The following CSMD3 variants were observed in gnomAD, a reference collection of about 807,000 sequenced individuals.
CSMD3 encodes the protein CUB and sushi domain-containing protein 3.
A neutral mutation model predicts 435.2 loss-of-function variants in CSMD3; 177 were observed. That is an observed-to-expected ratio of 0.41 (90% CI 0.36 to 0.46). The LOEUF is 0.46. CSMD3 is among the 20% of genes least tolerant of loss of function. The pLI, the probability that CSMD3 is intolerant of heterozygous loss-of-function variation, is 0.34. For synonymous variants in CSMD3, 1,656 were observed against 1,520.5 expected, an observed-to-expected ratio of 1.09 and a Z score of -2.07; for missense variants, 4,265 against 4,504.6, an observed-to-expected ratio of 0.95 and a Z score of 1.52.
intron 13 of CSMD3, among the ~76,000 whole-genome samples, chr8:112,691,370 C>G (rs552779037): frequency 3.9e-4 from 60 of 152,132 alleles, no homozygotes; most frequent in African/African-American, 1.3e-3. Context: ...TAGTAATTTT[C>G]CACATTTTAC....
chr8:113,125,013 C>T (rs2091086656), intron 4 of CSMD3, among the ~76,000 whole-genome samples: 1 of 151,982 alleles, frequency 6.6e-6, no homozygotes, highest in Non-Finnish European at 1.5e-5. Flanking sequence ...CAAAGCTCTA[C>T]AAACATACTG....
chr8:113,179,218 A>G (rs1256467955), intron 3 of CSMD3, among the ~76,000 whole-genome samples: 2 of 148,658 alleles, frequency 1.3e-5, no homozygotes, highest in Admixed American at 1.3e-4. Flanking sequence ...ATAAAACAGT[A>G]TATGTTAGTC....
chr8:112,818,318 C>A (rs1351587373), intron 12 of CSMD3, among the ~76,000 whole-genome samples: 4 of 151,980 alleles, frequency 2.6e-5, no homozygotes, highest in Non-Finnish European at 4.4e-5. Context: ...AGGCTGAAGT[C>A]ATCTTCTAAT....
intron 3 of CSMD3, among the ~76,000 whole-genome samples, chr8:113,250,189 AT>A (rs1199633192): frequency 6.6e-6 from 1 of 152,066 alleles, no homozygotes; most frequent in Non-Finnish European, 1.5e-5. Flanking sequence ...TTTTTTACAC[AT>A]TTATTTGACA....
At chr8:112,949,578 A>G (rs1438045620) in intron 8 of CSMD3, among the ~76,000 whole-genome samples, 1 of 152,050 alleles carries the variant, frequency 6.6e-6, no homozygotes, top group Non-Finnish European at 1.5e-5. Flanking sequence ...TCAATGGCCT[A>G]TTTGATTATC....
intron 32 of CSMD3, among the ~76,000 whole-genome samples, chr8:112,462,957 G>A (rs759089443): frequency 2.6e-5 from 4 of 152,136 alleles, no homozygotes; most frequent in African/African-American, 7.2e-5. Context: ...GCTCTCTCAC[G>A]CATTTTGAAA....
rs150634033 is a variant in CSMD3, at chr8:113,079,934, A to ATGTT, written c.917+18818_917+18821dup. Among the ~76,000 whole-genome samples, 64 of 151,970 alleles carry ATGTT rather than the reference A, an allele frequency of 4.2e-4. 1 individual carries two copies. The highest frequency in any genetic ancestry group is 7.7e-4 in the Non-Finnish European group (52 of 67,958). ...TAATACATAGCCTTGGTATTTTTAA[A>ATGTT]TGTTTGTTTGTTTGTTTGTTTTTCT... On this transcript the variant is annotated intron_variant, in intron 5 of 70. Transcript: ENST00000297405.
chr8:112,636,539 T>TCTAC (rs1200275142), intron 22 of CSMD3, among the ~76,000 whole-genome samples: 1 of 3,836 alleles, frequency 2.6e-4, no homozygotes, highest in East Asian at 2.7e-3. Context: ...CTATCATATT[T>TCTAC]CTATCTATCT....
intron 32 of CSMD3, among the ~76,000 whole-genome samples, chr8:112,440,247 T>C (rs1814845598): frequency 6.6e-6 from 1 of 152,184 alleles, no homozygotes; most frequent in African/African-American, 2.4e-5. Context: ...CAAAATCCAA[T>C]AGGGCAGTTA....
chr8:112,437,586 T>C (rs1395223846), intron 32 of CSMD3, among the ~76,000 whole-genome samples: 2 of 152,008 alleles, frequency 1.3e-5, no homozygotes, highest in Non-Finnish European at 2.9e-5. Flanking sequence ...TGTGTGTGTA[T>C]GTATATATAT....
chr8:112,355,810 G>A (rs11985770), intron 38 of CSMD3, among the ~76,000 whole-genome samples: 5,732 of 152,018 alleles, frequency 0.038, 361 homozygotes, highest in African/African-American at 0.13. Context: ...TCCAGCCTGG[G>A]CGACAGAGCT....
intron 23 of CSMD3, among the ~76,000 whole-genome samples, chr8:112,579,697 G>A (rs1830203716): frequency 6.6e-6 from 1 of 151,856 alleles, no homozygotes; most frequent in Admixed American, 6.6e-5. Context: ...TATTCCCAAA[G>A]ACTCACACAT....
chr8:112,384,787 G>T (rs530399410), intron 36 of CSMD3, among the ~76,000 whole-genome samples: 1 of 152,310 alleles, frequency 6.6e-6, no homozygotes, highest in Non-Finnish European at 1.5e-5. Flanking sequence ...ATAGGAATAA[G>T]ACCAGAAGTA....
chr8:113,429,117 T>C (rs953767070), intron 1 of CSMD3, among the ~76,000 whole-genome samples: 12 of 151,852 alleles, frequency 7.9e-5, no homozygotes, highest in Admixed American at 1.3e-4. Context: ...TTTACTCCCA[T>C]ATCATAAAAT....
chr8:113,025,541 G>GAGCATATATA (rs2131206845), intron 5 of CSMD3, among the ~76,000 whole-genome samples: 1 of 152,258 alleles, frequency 6.6e-6, no homozygotes, highest in South Asian at 2.1e-4. Flanking sequence ...AGCTATATTG[G>GAGCATATATA]TCCAGGAGCA....
In CSMD3 at chr8:113,184,973, G is replaced by A. The variant is rs1188252261; in HGVS notation, c.515-11057C>T. Among the ~76,000 whole-genome samples, 9 of 152,038 alleles carry A rather than the reference G, an allele frequency of 5.9e-5. No homozygotes were observed. The Middle Eastern group carries it at 0.017, about 287-fold the overall frequency. ...AACTTTTTTCACCTTTGGAAGGGAC[G>A]TTAGAATCATCACTGTGCTGGTCTA... On this transcript the variant is annotated intron_variant, in intron 3 of 70. Transcript: ENST00000297405.
intron 6 of CSMD3, among the ~76,000 whole-genome samples, chr8:113,002,237 T>C (rs528495307): frequency 2.0e-5 from 3 of 152,236 alleles, no homozygotes; most frequent in African/African-American, 4.8e-5. Flanking sequence ...AGCTAAAATG[T>C]AAAAACAAGC....
chr8:112,650,573 T>C (rs1323075091), intron 18 of CSMD3, among the ~76,000 whole-genome samples: 1 of 152,186 alleles, frequency 6.6e-6, no homozygotes, highest in African/African-American at 2.4e-5. Context: ...TTGATGAAAA[T>C]GTATAACTAT....
At chr8:112,977,467 T>C (rs2130943656) in intron 6 of CSMD3, among the ~76,000 whole-genome samples, 1 of 152,188 alleles carries the variant, frequency 6.6e-6, no homozygotes, top group Non-Finnish European at 1.5e-5. Context: ...ATACTCTGCC[T>C]TTTTTATTTT....
Sources: allele counts gnomAD v4.1 joint callset (sites outside exome capture counted in the v4.1 genomes callset), GRCh38; gene constraint gnomAD v4.1.1; transcripts MANE v1.5; gene names NCBI Gene and HGNC (gene_info 2026-07-23, HGNC 2026-07-21).